Variants in NFIB observed in about 807,000 individuals in gnomAD.
The protein encoded by NFIB is nuclear factor I B.
NFIB carries 11 observed loss-of-function variants against 61.5 expected under a neutral mutation model. That is an observed-to-expected ratio of 0.18 (90% CI 0.11 to 0.30). NFIB has a LOEUF of 0.30. NFIB is among the 10% of genes least tolerant of loss of function. The pLI, the probability that NFIB is intolerant of heterozygous loss-of-function variation, is 1.00. For synonymous variants in NFIB, 260 were observed against 216.5 expected (o/e 1.20, Z -1.76); for missense variants, 471 against 608.9 (o/e 0.77, Z 2.38).
chr9:14,291,030 A>G (rs1047621463), intron 2 of NFIB, among the ~76,000 whole-genome samples: 1 of 152,124 alleles, frequency 6.6e-6, no homozygotes, highest in African/African-American at 2.4e-5. Flanking sequence ...GTCAAACTAG[A>G]AATTAGCTAC....
At chr9:14,139,171 A>G (rs2041412690) in intron 6 of NFIB, among the ~76,000 whole-genome samples, 1 of 152,188 alleles carries the variant, frequency 6.6e-6, no homozygotes, top group Admixed American at 6.6e-5. Flanking sequence ...TCCCTTGAAC[A>G]AAGATCTAGG....
At chr9:14,484,617 C>T in the NFIB span, among the ~76,000 whole-genome samples, 48 of 152,310 alleles carry the variant, frequency 3.2e-4, no homozygotes, top group African/African-American at 1.1e-3. Context: ...TAAATTACAG[C>T]TACTACCATC....
At chr9:14,389,119 A>C (rs717933) in intron 1 of NFIB, among the ~76,000 whole-genome samples, 1,560 of 152,282 alleles carry the variant, frequency 0.01, 31 homozygotes, top group African/African-American at 0.036. Flanking sequence ...CTGTTTCTAA[A>C]CATTTTAATT....
chr9:14,179,739 T>G lies in NFIB; in HGVS notation c.604A>C (p.Lys202Gln), dbSNP rs780360215. The change falls in exon 3 of 11, where the codon AAG becomes CAG. Residue 202 changes from lysine (K) to glutamine (Q), a missense_variant. Physicochemically the swap from Lys to Gln is moderately conservative, Grantham distance 53 (BLOSUM62 1). This residue lies in a region of NFIB where 372 missense variants were observed against 395.6 expected (regional missense o/e 0.94). Transcript: ENST00000380953. ...SGSPSHNDPA[K>Q]NPPGYLEDSF... ...AACACATATTTACCTGGAGGATTCT[T>G]GGCAGGATCATTGTGGCTTGGACTT... 1 of 1,613,576 alleles carries G rather than the reference T, an allele frequency of 6.2e-7. No homozygotes were observed. The highest frequency in any genetic ancestry group is 1.3e-5 in the African/African-American group (1 of 74,906).
At chr9:14,297,151 G>T (rs1015659048) in intron 2 of NFIB, among the ~76,000 whole-genome samples, 2 of 152,288 alleles carry the variant, frequency 1.3e-5, no homozygotes, top group Non-Finnish European at 2.9e-5. Flanking sequence ...GACGTCTGGA[G>T]AAAACTAAAG....
In NFIB at chr9:14,347,608, G is replaced by T. The variant is rs577576874; in HGVS notation, c.109-40088C>A. Reference sequence around the variant, plus strand: ...GGAGAGGGGAGAAGGGAGAAGGGAAGGAGTGGCCAGCTCCCTAGGCGGTTG... The same window carrying T: ...GGAGAGGGGAGAAGGGAGAAGGGAATGAGTGGCCAGCTCCCTAGGCGGTTG... On this transcript the variant is annotated intron_variant, in intron 1 of 8. Coordinates refer to the NFIB transcript ENST00000380934. 3.4e-4 allele frequency among the ~76,000 whole-genome samples: 33 copies of T among 97,492 alleles called. No homozygotes were observed. In the South Asian group the frequency reaches 9.5e-3, roughly 28 times the overall value. The allele number at this position is 97,492 out of a possible 152,430, so 64.0% of individuals were successfully genotyped here. A position where few individuals can be genotyped will look rare whatever the true frequency, so the allele number is the denominator to read the frequency against.
chr9:14,296,474 C>CCCA (rs2059451103), intron 2 of NFIB, among the ~76,000 whole-genome samples: 1 of 152,226 alleles, frequency 6.6e-6, no homozygotes, highest in Non-Finnish European at 1.5e-5. Flanking sequence ...CAAATTCCTA[C>CCCA]GTTGAAATCC....
intron 2 of NFIB, among the ~76,000 whole-genome samples, chr9:14,300,694 T>A (rs1475651148): frequency 6.6e-6 from 1 of 152,214 alleles, no homozygotes; most frequent in Non-Finnish European, 1.5e-5. Flanking sequence ...AAATGAAAAC[T>A]AACTTATCTC....
chr9:14,493,860 C>T, the NFIB span, among the ~76,000 whole-genome samples: 80 of 152,232 alleles, frequency 5.3e-4, no homozygotes, highest in African/African-American at 1.8e-3. Flanking sequence ...AGGTCTTTTG[C>T]GGCAAAACAA....
At chr9:14,146,655 T>C (rs1563833101) in intron 6 of NFIB, 34 bp downstream of exon 6, 3 of 1,612,588 alleles carry the variant, frequency 1.9e-6, no homozygotes, top group Non-Finnish European at 2.5e-6. Context: ...AACATTTTAC[T>C]CATGGTCTCT....
Position 14,313,945 on chromosome 9 carries a change from CG to C in NFIB, c.-435del. ...TGGTAAAATGCTTTTTCAAAAAAGG[CG>C]GGGAGGGGGGCGCGGGAGGGCGCAG... is the stretch of plus-strand genomic sequence containing the variant. On this transcript the variant is annotated 5_prime_UTR_variant, in exon 1 of 11. Coordinates refer to ENST00000380953, the MANE Select transcript of NFIB (RefSeq NM_001190737.2). This position sits in a 1 kb window ranked among gnomAD's most constrained non-coding sequence, Gnocchi z 4.5. 1 of 753,464 alleles carries C rather than the reference CG, an allele frequency of 1.3e-6. No homozygotes were observed. Among genetic ancestry groups the C allele is most frequent in the Non-Finnish European group, 1.5e-6 (1 of 685,904 alleles). 46.7% of individuals were successfully genotyped at this position (753,464 alleles called of 1,614,324 possible). A position where few individuals can be genotyped will look rare whatever the true frequency, so the allele number is the denominator to read the frequency against.
chr9:14,333,643 A>T (rs774956167), intron 1 of NFIB, among the ~76,000 whole-genome samples: 3 of 152,198 alleles, frequency 2.0e-5, no homozygotes, highest in Non-Finnish European at 2.9e-5. Context: ...GACCTAAGTG[A>T]CTGCCTTGTC....
chr9:14,436,093 G>C, the NFIB span, among the ~76,000 whole-genome samples: 1 of 152,214 alleles, frequency 6.6e-6, no homozygotes, highest in South Asian at 2.1e-4. Context: ...CAGGCAGCCA[G>C]GTTAAGGTAA....
the NFIB span, among the ~76,000 whole-genome samples, chr9:14,453,606 T>A: frequency 7.2e-5 from 11 of 152,210 alleles, 1 homozygote; most frequent in African/African-American, 2.7e-4. Context: ...TCATTATTAG[T>A]TTACTCATTT....
chr9:14,212,176 C>G (rs763379628), intron 2 of NFIB, among the ~76,000 whole-genome samples: 2 of 152,338 alleles, frequency 1.3e-5, no homozygotes, highest in Middle Eastern at 3.4e-3. Context: ...GAACATCTAA[C>G]TGCTTAACTG....
chr9:14,143,929 T>C lies in NFIB; in HGVS notation c.925+2760A>G, dbSNP rs530617410. On this transcript the variant is annotated intron_variant, in intron 6 of 10. Transcript: ENST00000380953. The stretch of plus-strand genomic sequence containing the variant: ...TTTCTTCATTGTAGTTGAGTCTTCT[T>C]CCCACAATGGCTTATTGTGCACATT... 4.0e-5 allele frequency among the ~76,000 whole-genome samples: 6 copies of C among 151,818 alleles called. No individual in the cohort carries two copies. The South Asian group carries it at 1.2e-3, about 32-fold the overall frequency.
At chr9:14,243,947 T>A (rs1288426334) in intron 2 of NFIB, among the ~76,000 whole-genome samples, 1 of 152,196 alleles carries the variant, frequency 6.6e-6, no homozygotes, top group Non-Finnish European at 1.5e-5. Flanking sequence ...TCTGGTTTCA[T>A]GGAAATTACC....
At chr9:14,331,110 A>G (rs1404485154) in intron 1 of NFIB, among the ~76,000 whole-genome samples, 2 of 152,150 alleles carry the variant, frequency 1.3e-5, no homozygotes, top group Non-Finnish European at 2.9e-5. Flanking sequence ...CTTTAGATTA[A>G]AAGTACCATC....
chr9:14,166,905 T>C (rs1177591989), intron 3 of NFIB, among the ~76,000 whole-genome samples: 1 of 152,198 alleles, frequency 6.6e-6, no homozygotes, highest in East Asian at 1.9e-4. Context: ...ACCGCATTTA[T>C]TGAAGCTATT....
Sources: allele counts gnomAD v4.1 joint callset (sites outside exome capture counted in the v4.1 genomes callset), GRCh38; gene constraint gnomAD v4.1.1; regional missense constraint gnomAD v4.1.1; non-coding constraint Gnocchi (gnomAD v3.1); transcripts MANE v1.5; gene names NCBI Gene and HGNC (gene_info 2026-07-23, HGNC 2026-07-21).